MAST4: variants seen among roughly 807,000 people sequenced by gnomAD.
MAST4 encodes microtubule associated serine/threonine kinase family member 4.
Under a neutral mutation model 162.7 loss-of-function variants are expected in MAST4, and 89 were observed. That is an observed-to-expected ratio of 0.55 (90% confidence interval 0.46 to 0.65). The LOEUF (loss-of-function observed/expected upper bound fraction) is 0.65, where lower values mean the gene tolerates loss of function less well. MAST4 is among the 30% of genes least tolerant of loss of function. The pLI, the probability that MAST4 is intolerant of heterozygous loss-of-function variation, is 0.00. For synonymous variants in MAST4, 1,479 were observed against 1,361.1 expected, an observed-to-expected ratio of 1.09 and a Z score of -1.91; for missense variants, 3,153 against 3,374.0, an observed-to-expected ratio of 0.93 and a Z score of 1.62.
intron 26 of MAST4, among the ~76,000 whole-genome samples, chr5:67,157,715 A>G (rs73102005): frequency 0.045 from 6,804 of 152,236 alleles, 285 homozygotes; most frequent in African/African-American, 0.12. Flanking sequence ...GAGAGCCAGC[A>G]TGGGCTTTTC....
At chr5:66,870,896 C>T (rs1020150141) in intron 3 of MAST4, 17 of 470,120 alleles carry the variant, frequency 3.6e-5, no homozygotes, top group East Asian at 2.1e-4. Flanking sequence ...TGCATGGCGG[C>T]GTGGTCCCGC....
At chr5:66,856,659 A>G (rs1031654085) in intron 3 of MAST4, among the ~76,000 whole-genome samples, 5 of 152,186 alleles carry the variant, frequency 3.3e-5, no homozygotes, top group African/African-American at 1.2e-4. Context: ...TGCCTTCCTG[A>G]TTTTAAATCT....
At chr5:66,633,785 G>A (rs1041333587) in intron 1 of MAST4, among the ~76,000 whole-genome samples, 10 of 151,896 alleles carry the variant, frequency 6.6e-5, no homozygotes, top group African/African-American at 2.4e-4. Flanking sequence ...TTTCGTATAT[G>A]CTAAAATTTG....
chr5:66,801,434 A>G lies in MAST4; in HGVS notation c.642+12640A>G, dbSNP rs1438786260. On this transcript the variant is annotated intron_variant, in intron 3 of 28. Coordinates refer to ENST00000403625, the MANE Select transcript of MAST4 (RefSeq NM_001164664.2). ...ATACCAGCTATCAGCTTCAATATCA[A>G]CATATGAAATGTTCTAAAACCAGTA... is the stretch of plus-strand genomic sequence containing the variant. Among the ~76,000 whole-genome samples, 7 of 152,214 alleles carry G rather than the reference A, an allele frequency of 4.6e-5. No individual in the cohort carries two copies. In the East Asian group the frequency reaches 1.2e-3, roughly 25 times the overall value.
intron 4 of MAST4, among the ~76,000 whole-genome samples, chr5:66,960,798 T>C (rs1374711404): frequency 1.3e-5 from 2 of 152,194 alleles, no homozygotes; most frequent in African/African-American, 2.4e-5. Context: ...AAAGTAACTT[T>C]TTAAAAATAT....
chr5:66,713,624 T>C (rs1315883728), intron 1 of MAST4, among the ~76,000 whole-genome samples: 1 of 152,252 alleles, frequency 6.6e-6, no homozygotes, highest in Non-Finnish European at 1.5e-5. Flanking sequence ...ATCTTTACTA[T>C]AACTTTTTAA....
At chr5:67,031,114 C>A (rs1035754208) in intron 4 of MAST4, among the ~76,000 whole-genome samples, 1 of 152,106 alleles carries the variant, frequency 6.6e-6, no homozygotes, top group African/African-American at 2.4e-5. Context: ...TGGATGATCT[C>A]TGACTAGACT....
At chr5:66,894,840 GC>G (rs1762578040) in intron 3 of MAST4, among the ~76,000 whole-genome samples, 1 of 151,882 alleles carries the variant, frequency 6.6e-6, no homozygotes, top group Admixed American at 6.6e-5. Flanking sequence ...GGTAGACTTG[GC>G]CCTACCTCCC....
chr5:66,923,472 A>G (rs1346058737), intron 4 of MAST4, among the ~76,000 whole-genome samples: 1 of 152,248 alleles, frequency 6.6e-6, no homozygotes, highest in African/African-American at 2.4e-5. Context: ...CATTGAGAGA[A>G]TTGCCACAAA....
intron 1 of MAST4, among the ~76,000 whole-genome samples, chr5:66,730,366 A>G (rs1751766237): frequency 6.6e-6 from 1 of 152,146 alleles, no homozygotes; most frequent in African/African-American, 2.4e-5. Flanking sequence ...TCTTTTCTCA[A>G]TTTATACATT....
intron 8 of MAST4, among the ~76,000 whole-genome samples, chr5:67,101,164 G>A (rs1294128550): frequency 6.6e-6 from 1 of 152,150 alleles, no homozygotes; most frequent in Non-Finnish European, 1.5e-5. Flanking sequence ...AGAGCTTCTT[G>A]TTCAGCATGT....
At position 67,164,669 on chromosome 5, in the gene MAST4, C is replaced by T. The variant is rs777622682; in HGVS notation, c.5490C>T (p.Ser1830=). Residue 1830 remains serine (S), a synonymous_variant, in exon 29 of 29, where the codon AGC becomes AGT. Coordinates refer to ENST00000403625, the MANE Select transcript of MAST4 (RefSeq NM_001164664.2). This position sits in a 1 kb window ranked among gnomAD's most constrained non-coding sequence, Gnocchi z 5.3. The part of the protein sequence containing the change: ...LPSPESAQSP[S]PSGDVRASVP... ...CCCCAGAGTCTGCACAGAGCCCCAG[C>T]CCAAGTGGTGACGTGAGGGCCTCTG... 4.3e-6 allele frequency: 7 copies of T among 1,613,994 alleles called. No individual in the cohort carries two copies. In the South Asian group the frequency reaches 7.7e-5, roughly 18 times the overall value.
chr5:66,736,717 C>T (rs1262688273), intron 1 of MAST4, among the ~76,000 whole-genome samples: 2 of 152,166 alleles, frequency 1.3e-5, no homozygotes, highest in East Asian at 1.9e-4. Flanking sequence ...TGCAGTTCTT[C>T]AAGAGTTTGA....
intron 1 of MAST4, among the ~76,000 whole-genome samples, chr5:66,644,641 A>G (rs955454529): frequency 1.3e-5 from 2 of 152,168 alleles, no homozygotes; most frequent in Non-Finnish European, 2.9e-5. Flanking sequence ...CTGGAATCCA[A>G]ACTGACACTA....
chr5:66,878,913 A>C (rs1431852733), intron 3 of MAST4, among the ~76,000 whole-genome samples: 1 of 152,252 alleles, frequency 6.6e-6, no homozygotes, highest in Non-Finnish European at 1.5e-5. Context: ...AAACAAATGA[A>C]CAGTTCACAG....
chr5:66,994,188 A>G (rs891033261), intron 4 of MAST4, among the ~76,000 whole-genome samples: 2 of 152,238 alleles, frequency 1.3e-5, no homozygotes, highest in South Asian at 2.1e-4. Context: ...AGCCATGACC[A>G]GGGTCATGGC....
At chr5:67,150,088 T>A (rs1244090917) in intron 24 of MAST4, among the ~76,000 whole-genome samples, 1 of 152,206 alleles carries the variant, frequency 6.6e-6, no homozygotes, top group Non-Finnish European at 1.5e-5. Context: ...AATTCTAGGT[T>A]TTCCCAACCC....
intron 1 of MAST4, among the ~76,000 whole-genome samples, chr5:66,683,695 T>C (rs1048895225): frequency 6.6e-6 from 1 of 152,178 alleles, no homozygotes; most frequent in African/African-American, 2.4e-5. Context: ...TTGTTAAGAA[T>C]TGTGTGCCCC....
At position 67,133,500 on chromosome 5, in the gene MAST4, CG is replaced by C. The variant is rs750126629; in HGVS notation, c.2094-13del. 3.1e-6 allele frequency: 5 copies of C among 1,611,870 alleles called. No individual in the cohort carries two copies. In the African/African-American group the frequency reaches 5.3e-5, roughly 17 times the overall value. ...TAAAGTGATTATTGTGTTACATGTC[CG>C]TCTGCCTCATAGCTTGTTGGTTACC... On this transcript the variant is annotated splice_polypyrimidine_tract_variant and intron_variant, in intron 16 of 28. Transcript: ENST00000403625.
Sources: gnomAD v4.1 joint callset for allele counts (sites outside exome capture counted in the v4.1 genomes callset) on GRCh38, gnomAD v4.1.1 for gene constraint, Gnocchi (gnomAD v3.1) non-coding constraint, MANE v1.5 for transcripts, NCBI Gene and HGNC (gene_info 2026-07-23, HGNC 2026-07-21) for gene names.